PLCB1: variants seen among roughly 807,000 people sequenced by gnomAD.
The protein encoded by PLCB1 is 1-phosphatidylinositol 4,5-bisphosphate phosphodiesterase beta-1.
Under a neutral mutation model 161.8 loss-of-function variants are expected in PLCB1, and 46 were observed. The observed-to-expected ratio is 0.28, with a 90% confidence interval of 0.22 to 0.36. PLCB1 has a LOEUF of 0.36. PLCB1 is among the 10% of genes least tolerant of loss of function. The pLI is 1.00. For synonymous variants in PLCB1, 517 were observed against 503.7 expected, an observed-to-expected ratio of 1.03 and a Z score of -0.35; for missense variants, 1,016 against 1,472.5, an observed-to-expected ratio of 0.69 and a Z score of 5.07.
chr20:8,871,791 ATTT>A (rs1229314817), intron 31 of PLCB1, among the ~76,000 whole-genome samples: 1 of 152,054 alleles, frequency 6.6e-6, no homozygotes, highest in Non-Finnish European at 1.5e-5. Context: ...AGGACTTTAG[ATTT>A]TTTTTGCTGT....
At chr20:8,492,499 T>G (rs545592143) in intron 3 of PLCB1, among the ~76,000 whole-genome samples, 1 of 151,984 alleles carries the variant, frequency 6.6e-6, no homozygotes, top group African/African-American at 2.4e-5. Context: ...TGTGTGTGTT[T>G]TAAATAACAT....
intron 2 of PLCB1, among the ~76,000 whole-genome samples, chr20:8,339,833 G>A (rs913086317): frequency 2.0e-5 from 3 of 152,210 alleles, no homozygotes; most frequent in African/African-American, 7.2e-5. Flanking sequence ...GCCAGGCACT[G>A]TGGCTCATGC....
intron 2 of PLCB1, among the ~76,000 whole-genome samples, chr20:8,193,358 A>G (rs1160469398): frequency 2.0e-5 from 3 of 151,996 alleles, no homozygotes; most frequent in African/African-American, 7.2e-5. Flanking sequence ...AAACTGGTCA[A>G]ATAAACCCTG....
intron 3 of PLCB1, among the ~76,000 whole-genome samples, chr20:8,453,293 G>A (rs1361260750): frequency 1.3e-5 from 2 of 152,204 alleles, no homozygotes; most frequent in African/African-American, 4.8e-5. Flanking sequence ...CCACCTCACA[G>A]AACTGTTGTG....
At chr20:8,827,326 G>A (rs915010577) in intron 31 of PLCB1, among the ~76,000 whole-genome samples, 2 of 152,074 alleles carry the variant, frequency 1.3e-5, no homozygotes, top group Non-Finnish European at 2.9e-5. Context: ...CTGTGTTCGC[G>A]ATGTAATATA....
rs868034790 is a variant in PLCB1 at position 8,471,746 on chromosome 20, G to C, written c.246+100296G>C. 2.0e-5 allele frequency among the ~76,000 whole-genome samples: 3 copies of C among 152,088 alleles called. No homozygotes were observed. In the South Asian group the frequency reaches 6.2e-4, roughly 32 times the overall value. On this transcript the variant is annotated intron_variant, in intron 3 of 31. Transcript: ENST00000338037. ...AAGAGCTCTAAATTTAATACATGCT[G>C]CTCCTCAGGGTTCAAGCTTTGAATC...
intron 2 of PLCB1, among the ~76,000 whole-genome samples, chr20:8,354,474 C>CA (rs1241237684): frequency 1.3e-4 from 20 of 152,168 alleles, no homozygotes; most frequent in Admixed American, 2.6e-4. Context: ...AATTAGTACT[C>CA]ACGGTTTTCT....
chr20:8,680,248 A>G (rs1315793578), intron 9 of PLCB1, among the ~76,000 whole-genome samples: 1 of 152,214 alleles, frequency 6.6e-6, no homozygotes, highest in Non-Finnish European at 1.5e-5. Flanking sequence ...CATTTTAGTC[A>G]ATGGCGACAA....
intron 3 of PLCB1, among the ~76,000 whole-genome samples, chr20:8,606,465 G>C (rs903154647): frequency 2.6e-5 from 4 of 152,104 alleles, no homozygotes; most frequent in Admixed American, 2.6e-4. Context: ...CAAGGTGCCT[G>C]ACACGGAATA....
rs749548164 is a variant in PLCB1, at chr20:8,774,726, C to T, written c.3111+7C>T. On this transcript the variant is annotated splice_region_variant and intron_variant, in intron 27 of 31. Transcript: ENST00000338037. ...GCGAGAACATATTAAACTGGTGAGC[C>T]TGAGAAACATGATTTATGTTTGTGC... 4 of 1,580,540 alleles carry T rather than the reference C, an allele frequency of 2.5e-6. No individual in the cohort carries two copies. Among genetic ancestry groups the T allele is most frequent in the Admixed American group, 1.7e-5 (1 of 58,680 alleles).
chr20:8,750,332 G>T (rs1478963894), intron 23 of PLCB1, among the ~76,000 whole-genome samples: 1 of 152,152 alleles, frequency 6.6e-6, no homozygotes, highest in African/African-American at 2.4e-5. Flanking sequence ...AATTTATCCA[G>T]CTCATTAAAG....
intron 2 of PLCB1, among the ~76,000 whole-genome samples, chr20:8,187,054 A>G (rs1240196772): frequency 6.6e-6 from 1 of 152,140 alleles, no homozygotes; most frequent in African/African-American, 2.4e-5. Context: ...TTACCAGTAC[A>G]TCTTTCTAAA....
At chr20:8,772,654 C>T (rs536830803) in intron 26 of PLCB1, among the ~76,000 whole-genome samples, 23 of 152,240 alleles carry the variant, frequency 1.5e-4, no homozygotes, top group African/African-American at 3.6e-4. Context: ...TCATTCAGGC[C>T]GGGCGCGGTG....
At chr20:8,317,333 A>G (rs1013695301) in intron 2 of PLCB1, among the ~76,000 whole-genome samples, 3 of 152,080 alleles carry the variant, frequency 2.0e-5, no homozygotes, top group African/African-American at 7.2e-5. Flanking sequence ...ATGATTCTGG[A>G]TGTCTGTAAT....
chr20:8,388,763 G>A (rs1045695613), intron 3 of PLCB1, among the ~76,000 whole-genome samples: 5 of 152,104 alleles, frequency 3.3e-5, no homozygotes, highest in Non-Finnish European at 5.9e-5. Context: ...GTGTGTGTGC[G>A]TGCATGTGTG....
chr20:8,189,324 A>AATATAT, intron 2 of PLCB1, among the ~76,000 whole-genome samples: 1 of 145,224 alleles, frequency 6.9e-6, no homozygotes, highest in African/African-American at 2.5e-5. Flanking sequence ...TAACTATTTT[A>AATATAT]ATATATATAT....
At chr20:8,582,712 G>A (rs1217469033) in intron 3 of PLCB1, among the ~76,000 whole-genome samples, 1 of 152,158 alleles carries the variant, frequency 6.6e-6, no homozygotes, top group Admixed American at 6.5e-5. Flanking sequence ...AATTGGCTGG[G>A]CGAGGTGGCT....
chr20:8,336,648 G>A (rs990872235), intron 2 of PLCB1, among the ~76,000 whole-genome samples: 5 of 152,164 alleles, frequency 3.3e-5, no homozygotes, highest in African/African-American at 9.7e-5. Flanking sequence ...TGAGGAATAG[G>A]TGTCTAGCTT....
chr20:8,233,990 T>C (rs1331862084), intron 2 of PLCB1, among the ~76,000 whole-genome samples: 2 of 152,210 alleles, frequency 1.3e-5, no homozygotes, highest in African/African-American at 4.8e-5. Flanking sequence ...GGCAGTTGGA[T>C]AGTTTCATTT....
Sources: gnomAD v4.1 joint callset for allele counts (sites outside exome capture counted in the v4.1 genomes callset) on GRCh38, gnomAD v4.1.1 for gene constraint, MANE v1.5 for transcripts, NCBI Gene and HGNC (gene_info 2026-07-23, HGNC 2026-07-21) for gene names.